DUS2: variants seen among roughly 807,000 people sequenced by gnomAD.
DUS2 encodes the protein tRNA-dihydrouridine(20) synthase [NAD(P)+]-like.
A neutral mutation model predicts 71.3 loss-of-function variants in DUS2; 52 were observed. The observed-to-expected ratio is 0.73, with a 90% CI of 0.58 to 0.92. The LOEUF (loss-of-function observed/expected upper bound fraction) is 0.92, where lower values mean the gene tolerates loss of function less well. Ranked by LOEUF, DUS2 falls within the 40% of genes least tolerant of loss-of-function variation. DUS2 has a pLI of 0.00. For synonymous variants in DUS2, 204 were observed against 227.8 expected (o/e 0.90, Z 0.94); for missense variants, 558 against 622.6 (o/e 0.90, Z 1.10).
At chr16:68,055,993 G>T (rs1412391801) in intron 6 of DUS2, among the ~76,000 whole-genome samples, 1 of 151,964 alleles carries the variant, frequency 6.6e-6, no homozygotes, top group Non-Finnish European at 1.5e-5. Flanking sequence ...CTGTCGTCTG[G>T]CAAAGGGCTC....
Position 68,032,908 on chromosome 16 carries a change from CAAAAA to C in DUS2, c.-18-5079_-18-5075del, listed in dbSNP as rs71145986. ...TGGGCAACAGAGTGAGACTCCATCT[CAAAAA>C]AAAAAAAAAAAAAAAAAAGGGAATG... On this transcript the variant is annotated intron_variant, in intron 2 of 16. Coordinates refer to ENST00000565263, the MANE Select transcript of DUS2 (RefSeq NM_017803.5). 2.1e-4 allele frequency among the ~76,000 whole-genome samples: 12 copies of C among 57,942 alleles called. No homozygotes were observed. In the East Asian group the frequency reaches 4.2e-3, roughly 20 times the overall value. 38.0% of individuals were successfully genotyped at this position (57,942 alleles called of 152,430 possible). A position where few individuals can be genotyped will look rare whatever the true frequency, so the allele number is the denominator to read the frequency against.
At chr16:68,034,532 T>C (rs956702664) in intron 2 of DUS2, among the ~76,000 whole-genome samples, 1 of 152,186 alleles carries the variant, frequency 6.6e-6, no homozygotes, top group African/African-American at 2.4e-5. Context: ...TTATTTATTT[T>C]TTTATTATTT....
At chr16:68,024,906 A>G (rs1388026183) in intron 1 of DUS2, among the ~76,000 whole-genome samples, 1 of 148,530 alleles carries the variant, frequency 6.7e-6, no homozygotes, top group Non-Finnish European at 1.5e-5. Context: ...ATGTCAGCTC[A>G]CTGCAGTCTC....
At chr16:68,047,697 G>T (rs1259695717) in intron 3 of DUS2, among the ~76,000 whole-genome samples, 1 of 151,778 alleles carries the variant, frequency 6.6e-6, no homozygotes, top group Admixed American at 6.6e-5. Flanking sequence ...TGGCCAGGAT[G>T]GTCTTGAACT....
At chr16:68,065,812 T>TC (rs1414148855) in intron 8 of DUS2, among the ~76,000 whole-genome samples, 1 of 151,936 alleles carries the variant, frequency 6.6e-6, no homozygotes, top group African/African-American at 2.4e-5. Context: ...CTTTTTTTTT[T>TC]TTTTTAGCCG....
chr16:68,059,729 T>C (rs2033913000), intron 7 of DUS2, among the ~76,000 whole-genome samples: 1 of 152,252 alleles, frequency 6.6e-6, no homozygotes, highest in African/African-American at 2.4e-5. Context: ...GTAATCTTTA[T>C]ACTGGCAGCA....
At chr16:68,026,423 C>T (rs2033351665) in intron 2 of DUS2, among the ~76,000 whole-genome samples, 2 of 152,180 alleles carry the variant, frequency 1.3e-5, no homozygotes, top group Admixed American at 1.3e-4. Context: ...TATTGTTCCT[C>T]CATTTTCCCA....
chr16:68,062,442 G>A (rs1396123386), intron 8 of DUS2, among the ~76,000 whole-genome samples: 2 of 152,046 alleles, frequency 1.3e-5, no homozygotes, highest in Non-Finnish European at 2.9e-5. Flanking sequence ...ATAGTAGGCC[G>A]GGCGTGGTGG....
At chr16:68,063,462 A>G (rs2033967366) in intron 8 of DUS2, among the ~76,000 whole-genome samples, 1 of 152,172 alleles carries the variant, frequency 6.6e-6, no homozygotes, top group South Asian at 2.1e-4. Flanking sequence ...GAAATACATA[A>G]CATTGGTGGT....
intron 2 of DUS2, among the ~76,000 whole-genome samples, chr16:68,029,382 A>G (rs2033404891): frequency 6.6e-6 from 1 of 152,016 alleles, no homozygotes; most frequent in Non-Finnish European, 1.5e-5. Context: ...GGCTCAAATG[A>G]TCCTCTTGCC....
chr16:68,047,501 A>AGAT (rs2033721514), intron 3 of DUS2, among the ~76,000 whole-genome samples: 1 of 151,062 alleles, frequency 6.6e-6, no homozygotes, highest in Non-Finnish European at 1.5e-5. Flanking sequence ...TTTTTTCCCG[A>AGAT]GATGGAGTCT....
intron 2 of DUS2, chr16:68,026,875 G>GAAAAAAA (rs397723152): frequency 1.6e-5 from 1 of 63,674 alleles, no homozygotes; most frequent in African/African-American, 6.0e-5. Context: ...GAGTCTATCT[G>GAAAAAAA]AAAAAAAAAA....
rs765623077 is a variant in DUS2, at chr16:68,049,499, C to G, written c.127-6C>G. The G allele has an allele frequency of 1.0e-4, 161 of 1,614,014 alleles. No homozygotes were observed. Among genetic ancestry groups the G allele is most frequent in the Non-Finnish European group, 1.3e-4 (156 of 1,179,974 alleles). ...GAATGACAAGCGTCCTCTGATTCCT[C>G]TGCAGGAGCTGATCGACCTCAAGAT... On this transcript the variant is annotated splice_region_variant and splice_polypyrimidine_tract_variant and intron_variant, in intron 3 of 16. Coordinates refer to ENST00000565263, the MANE Select transcript of DUS2 (RefSeq NM_017803.5).
At chr16:68,070,888 T>G in intron 11 of DUS2, 52 bp from the exon 12 acceptor site, 1 of 1,590,214 alleles carries the variant, frequency 6.3e-7, no homozygotes, top group African/African-American at 1.3e-5. Context: ...TTTCTGAAAA[T>G]GCTGATAGGT....
intron 7 of DUS2, among the ~76,000 whole-genome samples, chr16:68,060,073 C>A (rs894705568): frequency 3.9e-5 from 6 of 152,098 alleles, no homozygotes; most frequent in Non-Finnish European, 7.3e-5. Flanking sequence ...ACCTTAGTAG[C>A]TTTGCTGGTG....
rs1045801933 is a variant in DUS2 at position 68,036,746 on chromosome 16, T to C, written c.-18-1260T>C. 3.3e-5 allele frequency among the ~76,000 whole-genome samples: 5 copies of C among 152,248 alleles called. No individual in the cohort carries two copies. In the East Asian group the frequency reaches 9.6e-4, roughly 29 times the overall value. ...TGAGCCACTGCGCCTGACCACATTC[T>C]ACGCTTTAACCACATTGGCTTTCCT... On this transcript the variant is annotated intron_variant, in intron 2 of 16. Transcript: ENST00000565263.
intron 10 of DUS2, 80 bp downstream of exon 10, chr16:68,066,716 C>G: frequency 7.4e-7 from 1 of 1,358,342 alleles, no homozygotes; most frequent in Admixed American, 1.7e-5. Flanking sequence ...TCTGTCACCC[C>G]AAGTGACAGC....
intron 2 of DUS2, among the ~76,000 whole-genome samples, chr16:68,028,879 A>G (rs1431785504): frequency 6.6e-6 from 1 of 152,098 alleles, no homozygotes; most frequent in Non-Finnish European, 1.5e-5. Flanking sequence ...GGTCTGTCCA[A>G]TTCCAGAGCT....
At chr16:68,027,405 A>G (rs1170460136) in intron 2 of DUS2, among the ~76,000 whole-genome samples, 1 of 151,742 alleles carries the variant, frequency 6.6e-6, no homozygotes, top group African/African-American at 2.4e-5. Context: ...CACCCGGCTA[A>G]TTTTGTATTT....
Sources: allele counts gnomAD v4.1 joint callset (sites outside exome capture counted in the v4.1 genomes callset), GRCh38; gene constraint gnomAD v4.1.1; transcripts MANE v1.5; gene names NCBI Gene and HGNC (gene_info 2026-07-23, HGNC 2026-07-21).